CACNA2D4: variants seen among roughly 807,000 people sequenced by gnomAD.
CACNA2D4 encodes the protein voltage-dependent calcium channel subunit alpha-2/delta-4.
Under a neutral mutation model 163.8 loss-of-function variants are expected in CACNA2D4, and 157 were observed. That is an observed-to-expected ratio of 0.96 (90% CI 0.84 to 1.09). The LOEUF is 1.09. Among genes scored for constraint, CACNA2D4 ranks in the 50% least tolerant of loss-of-function variants. The pLI is 0.00. For synonymous variants in CACNA2D4, 598 were observed against 586.9 expected, an observed-to-expected ratio of 1.02 and a Z score of -0.27; for missense variants, 1,410 against 1,479.9, an observed-to-expected ratio of 0.95 and a Z score of 0.78.
intron 4 of CACNA2D4, among the ~76,000 whole-genome samples, chr12:1,908,557 C>T (rs1220346748): frequency 1.3e-5 from 2 of 152,210 alleles, no homozygotes; most frequent in African/African-American, 2.4e-5. Context: ...GGTGGAGCCC[C>T]GGCCCCGTTT....
intron 14 of CACNA2D4, among the ~76,000 whole-genome samples, 157 bp downstream of exon 14, chr12:1,879,647 C>T (rs1240334983): frequency 6.6e-6 from 1 of 152,218 alleles, no homozygotes; most frequent in African/African-American, 2.4e-5. Context: ...CCAGGAGAGT[C>T]TGGGGTAGCT....
intron 6 of CACNA2D4, among the ~76,000 whole-genome samples, chr12:1,895,654 G>A (rs1381315695): frequency 1.3e-5 from 2 of 151,946 alleles, no homozygotes; most frequent in African/African-American, 2.4e-5. Flanking sequence ...AGTTTTTAGA[G>A]GTAGGGTCTT....
At chr12:1,881,061 G>T (rs78556987) in intron 13 of CACNA2D4, among the ~76,000 whole-genome samples, 7,088 of 152,262 alleles carry the variant, frequency 0.047, 419 homozygotes, top group African/African-American at 0.14. Flanking sequence ...CCACTCAGAG[G>T]GTTCCGAAGT....
In CACNA2D4 at chr12:1,799,689, C is replaced by G; in HGVS notation, c.2981G>C (p.Ser994Thr). ...GGGCTACTTACAGTGATGGAAGACA[C>G]TTTTGGCTGGCCGGAACATAAGCCC... ...SWYDRGAEAK[S>T]VFHHSHKHKK... is the part of the protein sequence containing the mutation. Residue 994 changes from serine (S) to threonine (T), a missense_variant, in exon 34 of 38, where the codon AGT (serine) becomes ACT (threonine). Coordinates refer to ENST00000382722, the MANE Select transcript of CACNA2D4 (RefSeq NM_172364.5). The surrounding 1 kb of genome is among the most constrained non-coding windows in gnomAD (Gnocchi z 4.7). 6.4e-7 allele frequency: 1 copy of G among 1,572,796 alleles called. No individual in the cohort carries two copies.
chr12:1,889,780 GAA>G (rs1191699165), intron 6 of CACNA2D4, among the ~76,000 whole-genome samples: 3 of 151,768 alleles, frequency 2.0e-5, no homozygotes, highest in African/African-American at 7.3e-5. Flanking sequence ...ATTTAAAAAG[GAA>G]AAAAGGAGAA....
At chr12:1,831,374 C>G (rs775199067) in intron 26 of CACNA2D4, 3 of 1,614,044 alleles carry the variant, frequency 1.9e-6, no homozygotes, top group South Asian at 2.2e-5. Flanking sequence ...TGCGCTCCCT[C>G]TCGCTTCGCT....
intron 2 of CACNA2D4, among the ~76,000 whole-genome samples, chr12:1,914,280 G>C (rs572484304): frequency 5.3e-5 from 8 of 152,200 alleles, no homozygotes; most frequent in Non-Finnish European, 1.2e-4. Flanking sequence ...AACTGCTCTG[G>C]GGAGTTACAA....
Position 1,917,205 on chromosome 12 carries a change from A to G in CACNA2D4, c.227+1042T>C, listed in dbSNP as rs1867008206. ...GACCTCTCGGGGCCTCTGTTTCCTC[A>G]GCTGCAAAATAGGGATAAAAATAAG... is the stretch of plus-strand genomic sequence containing the variant. On this transcript the variant is annotated intron_variant, in intron 1 of 37. Coordinates refer to ENST00000382722, the MANE Select transcript of CACNA2D4 (RefSeq NM_172364.5). This position sits in a 1 kb window ranked among gnomAD's most constrained non-coding sequence, Gnocchi z 4.3. Among the ~76,000 whole-genome samples the G allele has an allele frequency of 6.6e-6, 1 of 152,146 alleles. No individual in the cohort carries two copies. The highest frequency in any genetic ancestry group is 2.4e-5 in the African/African-American group (1 of 41,436).
chr12:1,812,278 G>C (rs1200958261), intron 26 of CACNA2D4, among the ~76,000 whole-genome samples: 1 of 152,178 alleles, frequency 6.6e-6, no homozygotes, highest in Admixed American at 6.5e-5. Context: ...GCCAGGTTCG[G>C]GTTTGCCCAG....
In CACNA2D4 at chr12:1,884,320, A is replaced by T. The variant is rs1463541473; in HGVS notation, c.1274T>A (p.Val425Asp). Residue 425 changes from valine (V) to aspartate (D), a missense_variant and splice_region_variant, in exon 12 of 38, where the codon GTC becomes GAC. Val to Asp is a radical substitution (Grantham distance 152). Transcript: ENST00000382722. ...CCCAATGAGGTAAGTGAAAACTCGG[A>T]CCTAACCCACAAGACACAGAGGCAC... ...FEKYNWPDCK[V>D]RVFTYLIGRE... The T allele has an allele frequency of 1.2e-6, 2 of 1,611,936 alleles. No individual in the cohort carries two copies. Among genetic ancestry groups the T allele is most frequent in the African/African-American group, 1.3e-5 (1 of 75,014 alleles).
At chr12:1,912,925 G>A (rs577542967) in intron 3 of CACNA2D4, 98 bp downstream of exon 3, 119 of 718,120 alleles carry the variant, frequency 1.7e-4, no homozygotes, top group Non-Finnish European at 2.5e-4. Flanking sequence ...AGGGTCACGA[G>A]GGGGGAGGAT....
rs1263664176 is a variant in CACNA2D4, at chr12:1,833,491, C to T, written c.2551+7248G>A. Reference sequence around the variant, plus strand: ...CATCATGAAGACATCCTGGCGAGCCCGTGCGCCCAGGTACCCACACCTCCT... The same window carrying T: ...CATCATGAAGACATCCTGGCGAGCCTGTGCGCCCAGGTACCCACACCTCCT... On this transcript the variant is annotated intron_variant, in intron 26 of 37. Transcript: ENST00000382722. This position sits in a 1 kb window ranked among gnomAD's most constrained non-coding sequence, Gnocchi z 4.2. 6.6e-6 allele frequency among the ~76,000 whole-genome samples: 1 copy of T among 152,164 alleles called. No individual in the cohort carries two copies.
At chr12:1,912,760 C>T (rs1191665853) in intron 3 of CACNA2D4, among the ~76,000 whole-genome samples, 6 of 152,232 alleles carry the variant, frequency 3.9e-5, no homozygotes, top group African/African-American at 9.6e-5. Context: ...CAGGCTGACC[C>T]GGCAGTGCTG....
rs779361571 is a variant in CACNA2D4 at position 1,875,365 on chromosome 12, CAT to C, written c.1720-30_1720-29del. 2.2e-5 allele frequency: 32 copies of C among 1,458,212 alleles called. No individual in the cohort carries two copies. The highest frequency in any genetic ancestry group is 1.8e-4 in the Admixed American group (11 of 59,816). 90.3% of individuals were successfully genotyped at this position (1,458,212 alleles called of 1,614,324 possible). ...GGAGTGGGCAGGTCAGGAAGAAAAACATGTGGTCAGTATACGTCCTGCTCAAG... is the reference window on the plus strand; with the variant it reads ...GGAGTGGGCAGGTCAGGAAGAAAAACGTGGTCAGTATACGTCCTGCTCAAG... On this transcript the variant is annotated intron_variant, in intron 16 of 37. Transcript: ENST00000382722. This position sits in a 1 kb window ranked among gnomAD's most constrained non-coding sequence, Gnocchi z 4.0.
At chr12:1,888,923 A>G (rs1866215930) in intron 6 of CACNA2D4, among the ~76,000 whole-genome samples, 1 of 152,352 alleles carries the variant, frequency 6.6e-6, no homozygotes, top group Admixed American at 6.5e-5. Context: ...ATATAGACAC[A>G]TAGTATTGGA....
intron 26 of CACNA2D4, chr12:1,827,888 GC>G (rs200356957): frequency 2.5e-6 from 1 of 396,338 alleles, no homozygotes; most frequent in Non-Finnish European, 4.5e-6. Flanking sequence ...GCCGAAGCCT[GC>G]CCCGCCCCCA....
chr12:1,860,185 T>C lies in CACNA2D4; in HGVS notation c.1900A>G (p.Asn634Asp). The C allele has an allele frequency of 6.2e-7, 1 of 1,613,804 alleles. No homozygotes were observed. The highest frequency in any genetic ancestry group is 8.5e-7 in the Non-Finnish European group (1 of 1,179,784). ...DKGKRVLFLT[N>D]DYFFTDISDT... ...CTGATGTCCGTGAAGAAGTAGTCAT[T>C]GGTCAGGAAAAGAACTCGCTTCTGA... Residue 634 changes from asparagine to aspartate, a missense_variant, in exon 19 of 38, where the codon AAT becomes GAT. Asn to Asp is a conservative substitution (Grantham distance 23). Transcript: ENST00000382722.
chr12:1,794,636 C>T lies in CACNA2D4; in HGVS notation c.3309+663G>A, dbSNP rs1041035982. ...GGAAGGTGCTTCCCTCACCATGACC[C>T]GTTTATTATAAAGGACGCAGGTCAG... On this transcript the variant is annotated intron_variant, in intron 37 of 37. Transcript: ENST00000382722. 2.7e-4 allele frequency among the ~76,000 whole-genome samples: 41 copies of T among 152,146 alleles called. 1 individual carries two copies. The highest frequency in any genetic ancestry group is 9.2e-4 in the African/African-American group (38 of 41,438).
At chr12:1,861,297 T>G (rs541208861) in intron 18 of CACNA2D4, among the ~76,000 whole-genome samples, 18 of 152,314 alleles carry the variant, frequency 1.2e-4, no homozygotes, top group Admixed American at 1.1e-3. Flanking sequence ...CTCTGGCTCC[T>G]CTGCCCAGTC....
Sources: gnomAD v4.1 joint callset for allele counts (sites outside exome capture counted in the v4.1 genomes callset) on GRCh38, gnomAD v4.1.1 for gene constraint, Gnocchi (gnomAD v3.1) non-coding constraint, MANE v1.5 for transcripts, NCBI Gene and HGNC (gene_info 2026-07-23, HGNC 2026-07-21) for gene names.